The following QTGAL variants were observed in gnomAD, a reference collection of about 807,000 sequenced individuals.
QTGAL encodes BGnT-like protein 1.
chr17:82,992,487 GGA>G, the QTGAL span, among the ~76,000 whole-genome samples: 2 of 152,114 alleles, frequency 1.3e-5, no homozygotes, highest in African/African-American at 4.8e-5. Context: ...CAAACATGAA[GGA>G]GAGATAAAGA....
At chr17:82,957,168 C>A in the QTGAL span, 1 of 1,614,092 alleles carries the variant, frequency 6.2e-7, no homozygotes, top group East Asian at 2.2e-5. Context: ...TGACACCATG[C>A]GGCCCTGCAC....
At chr17:82,961,952 C>T in the QTGAL span, among the ~76,000 whole-genome samples, 1 of 147,252 alleles carries the variant, frequency 6.8e-6, no homozygotes, top group Non-Finnish European at 1.5e-5. Context: ...GAGCCGGGCC[C>T]CTGTCGCTTT....
the QTGAL span, chr17:82,961,001 C>T: frequency 5.6e-5 from 88 of 1,561,590 alleles, no homozygotes; most frequent in African/African-American, 1.3e-4. Context: ...CGACCTCGGG[C>T]GCCTCCCGTG....
chr17:83,031,620 G>T, the QTGAL span, among the ~76,000 whole-genome samples: 1 of 152,216 alleles, frequency 6.6e-6, no homozygotes, highest in South Asian at 2.1e-4. Context: ...GACACCTGAG[G>T]CCACCTAATA....
the QTGAL span, chr17:82,942,584 T>C: frequency 1.4e-6 from 2 of 1,401,634 alleles, no homozygotes; most frequent in Admixed American, 1.9e-5. Context: ...GCGCTGGCCC[T>C]TGGAGGCTGG....
At chr17:82,987,689 T>G in the QTGAL span, among the ~76,000 whole-genome samples, 1 of 152,238 alleles carries the variant, frequency 6.6e-6, no homozygotes, top group African/African-American at 2.4e-5. Context: ...TAGTATAGTT[T>G]GAAGTCAGGG....
At chr17:82,951,564 A>G in the QTGAL span, among the ~76,000 whole-genome samples, 1 of 152,154 alleles carries the variant, frequency 6.6e-6, no homozygotes, top group African/African-American at 2.4e-5. Context: ...AATTTCCTTC[A>G]ATAACTTTTC....
chr17:83,050,289 GA>G, the QTGAL span, among the ~76,000 whole-genome samples: 1 of 152,128 alleles, frequency 6.6e-6, no homozygotes, highest in Non-Finnish European at 1.5e-5. Flanking sequence ...AGAAACGCTT[GA>G]ACCCGGGAGG....
chr17:82,999,225 C>T, the QTGAL span, among the ~76,000 whole-genome samples: 4 of 148,822 alleles, frequency 2.7e-5, no homozygotes, highest in Non-Finnish European at 1.5e-5. Flanking sequence ...AAGGCTTGTA[C>T]ATATGTTCAC....
chr17:82,947,335 C>A, the QTGAL span: 2 of 283,092 alleles, frequency 7.1e-6, no homozygotes, highest in Non-Finnish European at 1.3e-5. Flanking sequence ...CTCCACACAC[C>A]CACCCCTCTG....
the QTGAL span, among the ~76,000 whole-genome samples, chr17:82,960,701 C>G: frequency 6.6e-6 from 1 of 152,204 alleles, no homozygotes; most frequent in African/African-American, 2.4e-5. Context: ...GCAGCTGCGC[C>G]CCCCAGGCCT....
chr17:83,016,837 C>CA, the QTGAL span, among the ~76,000 whole-genome samples: 4 of 151,940 alleles, frequency 2.6e-5, no homozygotes, highest in Admixed American at 2.0e-4. Context: ...ACAGGTATTT[C>CA]AAAAAGAAGA....
chr17:82,961,843 C>G, the QTGAL span, among the ~76,000 whole-genome samples: 2 of 152,358 alleles, frequency 1.3e-5, no homozygotes, highest in South Asian at 4.1e-4. Flanking sequence ...GAACCTGGGC[C>G]CTGCTTTCCC....
At chr17:83,015,689 C>T in the QTGAL span, among the ~76,000 whole-genome samples, 5 of 152,352 alleles carry the variant, frequency 3.3e-5, no homozygotes, top group African/African-American at 7.2e-5. This position sits in a 1 kb window ranked among gnomAD's most constrained non-coding sequence, Gnocchi z 4.4. Context: ...GGCGGCCGGG[C>T]GAGCGTCACG....
chr17:82,962,073 A>G, the QTGAL span, among the ~76,000 whole-genome samples: 1 of 152,178 alleles, frequency 6.6e-6, no homozygotes, highest in Non-Finnish European at 1.5e-5. Context: ...TTGCTCCAGG[A>G]AAGGGCAGGT....
chr17:83,047,714 T>G, the QTGAL span, among the ~76,000 whole-genome samples: 11 of 145,586 alleles, frequency 7.6e-5, no homozygotes, highest in Non-Finnish European at 1.5e-4. Flanking sequence ...CTATAATAAA[T>G]CCCTACCAAA....
At chr17:82,996,111 A>G in the QTGAL span, among the ~76,000 whole-genome samples, 1 of 152,234 alleles carries the variant, frequency 6.6e-6, no homozygotes, top group Non-Finnish European at 1.5e-5. Context: ...AAAAAATGGA[A>G]AGATATTCCA....
the QTGAL span, among the ~76,000 whole-genome samples, chr17:82,980,225 C>A: frequency 1.3e-5 from 2 of 152,178 alleles, no homozygotes; most frequent in African/African-American, 4.8e-5. Context: ...TGGACTTCAT[C>A]AAAATTAGAA....
chr17:82,977,260 A>T, the QTGAL span, among the ~76,000 whole-genome samples: 3 of 152,210 alleles, frequency 2.0e-5, no homozygotes, highest in East Asian at 5.8e-4. Context: ...GTGAATAAGG[A>T]CAGCTGCGGC....
Sources: allele counts gnomAD v4.1 joint callset (sites outside exome capture counted in the v4.1 genomes callset), GRCh38; gene constraint gnomAD v4.1.1; non-coding constraint Gnocchi (gnomAD v3.1); transcripts MANE v1.5; gene names NCBI Gene and HGNC (gene_info 2026-07-23, HGNC 2026-07-21).